SPIN1: variants seen among roughly 807,000 people sequenced by gnomAD.
The protein encoded by SPIN1 is spindlin-1.
Under a neutral mutation model 26.0 loss-of-function variants are expected in SPIN1, and 3 were observed. The observed-to-expected ratio is 0.12, with a 90% CI of 0.05 to 0.30. The LOEUF is 0.30. Ranked by LOEUF, SPIN1 falls within the 10% of genes least tolerant of loss-of-function variation. The pLI, the probability that SPIN1 is intolerant of heterozygous loss-of-function variation, is 1.00. For missense variants in SPIN1, 126 were observed against 333.4 expected (o/e 0.38, Z 4.84); for synonymous variants, 101 against 116.5 (o/e 0.87, Z 0.86).
chr9:88,403,091 A>G (rs1329746921), intron 1 of SPIN1, among the ~76,000 whole-genome samples: 3 of 151,974 alleles, frequency 2.0e-5, no homozygotes, highest in Non-Finnish European at 4.4e-5. Context: ...GGCCATTTGT[A>G]TGTTTTTTGA....
At chr9:88,422,471 C>G (rs763530024) in intron 1 of SPIN1, among the ~76,000 whole-genome samples, 13 of 152,126 alleles carry the variant, frequency 8.5e-5, no homozygotes, top group African/African-American at 2.7e-4. Flanking sequence ...TAGAAAAGCT[C>G]TAGTTCATCT....
chr9:88,450,943 A>G (rs1193450946), intron 3 of SPIN1, among the ~76,000 whole-genome samples: 2 of 152,072 alleles, frequency 1.3e-5, no homozygotes, highest in Non-Finnish European at 2.9e-5. Flanking sequence ...GCTGGTTTTG[A>G]AGTTAGGAAG....
chr9:88,423,467 C>T (rs183003435), intron 1 of SPIN1, among the ~76,000 whole-genome samples: 2 of 152,048 alleles, frequency 1.3e-5, no homozygotes, highest in East Asian at 1.9e-4. Context: ...TTGTGACAGT[C>T]TTGCTCTGTC....
chr9:88,448,476 T>C (rs1349367180), intron 2 of SPIN1, among the ~76,000 whole-genome samples: 1 of 152,116 alleles, frequency 6.6e-6, no homozygotes, highest in Non-Finnish European at 1.5e-5. Context: ...CTCAGCCTCC[T>C]GAGTGGCTGA....
intron 1 of SPIN1, among the ~76,000 whole-genome samples, chr9:88,391,032 G>T (rs115516115): frequency 9.9e-4 from 151 of 152,020 alleles, no homozygotes; most frequent in African/African-American, 3.6e-3. Context: ...TTATATTCTT[G>T]CCCCACAAGT....
chr9:88,464,857 C>G (rs2118200193), intron 4 of SPIN1, among the ~76,000 whole-genome samples: 1 of 152,238 alleles, frequency 6.6e-6, no homozygotes, highest in South Asian at 2.1e-4. Context: ...ATCTCCAGAA[C>G]TACTTCATCT....
chr9:88,446,410 T>TG (rs1564035844), intron 2 of SPIN1, among the ~76,000 whole-genome samples: 1 of 141,470 alleles, frequency 7.1e-6, no homozygotes, highest in African/African-American at 2.8e-5. Context: ...GGTTTGCTGT[T>TG]TTTTTTTTTT....
At chr9:88,445,518 T>TTA (rs1554695905) in intron 2 of SPIN1, among the ~76,000 whole-genome samples, 30 of 134,604 alleles carry the variant, frequency 2.2e-4, no homozygotes, top group Middle Eastern at 3.7e-3. Context: ...TATTGAGACT[T>TTA]TTATTATTAT....
intron 1 of SPIN1, among the ~76,000 whole-genome samples, chr9:88,397,979 T>C (rs1180858314): frequency 6.6e-6 from 1 of 151,700 alleles, no homozygotes; most frequent in African/African-American, 2.4e-5. Context: ...TGTAGTGCAG[T>C]GGCACAGTTT....
chr9:88,469,193 G>A (rs866133099), intron 5 of SPIN1, among the ~76,000 whole-genome samples: 3 of 152,288 alleles, frequency 2.0e-5, no homozygotes, highest in Middle Eastern at 3.4e-3. Flanking sequence ...CTTCACATGC[G>A]TAGTTCACAA....
At position 88,448,997 on chromosome 9, in the gene SPIN1, G is replaced by T; in HGVS notation, c.101+8G>T. On this transcript the variant is annotated splice_region_variant and intron_variant, in intron 3 of 5. Coordinates refer to ENST00000375859, the MANE Select transcript of SPIN1 (RefSeq NM_006717.3). ...GAAGAGGACATCCCACAAGTAAGCA[G>T]TTCTGAAACTGGTTCTAGATAGTGT... 6.2e-7 allele frequency: 1 copy of T among 1,612,466 alleles called. No individual in the cohort carries two copies. Among genetic ancestry groups the T allele is most frequent in the African/African-American group, 1.3e-5 (1 of 74,482 alleles).
intron 3 of SPIN1, among the ~76,000 whole-genome samples, chr9:88,451,706 G>A (rs143238674): frequency 1.9e-4 from 29 of 152,244 alleles, no homozygotes; most frequent in Non-Finnish European, 2.9e-4. Flanking sequence ...GACCACAGGC[G>A]TGCCGCAGCA....
At chr9:88,401,423 C>T (rs1827184801) in intron 1 of SPIN1, among the ~76,000 whole-genome samples, 1 of 152,140 alleles carries the variant, frequency 6.6e-6, no homozygotes, top group Non-Finnish European at 1.5e-5. Flanking sequence ...CCACACTCCG[C>T]CTGCCTCCCC....
chr9:88,395,168 C>CT (rs1170656034), intron 1 of SPIN1, among the ~76,000 whole-genome samples: 1 of 152,014 alleles, frequency 6.6e-6, no homozygotes, highest in African/African-American at 2.4e-5. Context: ...GTTAAAAAAT[C>CT]TGATCTGTGT....
intron 1 of SPIN1, among the ~76,000 whole-genome samples, chr9:88,390,623 T>G (rs2119021017): frequency 6.6e-6 from 1 of 152,372 alleles, no homozygotes. Context: ...TAATTCAATG[T>G]GTCTTCTTTC....
rs190432904 is a variant in SPIN1 at position 88,430,163 on chromosome 9, G to A, written c.52+3572G>A. 2.6e-5 allele frequency among the ~76,000 whole-genome samples: 4 copies of A among 152,306 alleles called. No homozygotes were observed. In the East Asian group the frequency reaches 7.7e-4, roughly 29 times the overall value. On this transcript the variant is annotated intron_variant, in intron 2 of 5. Transcript: ENST00000375859. ...AGGGTTTTGTCTCAGGCAGCAAGAAGCCCAGGTAGGCATTTCAGAGTTGGT... is the reference window on the plus strand; with the variant it reads ...AGGGTTTTGTCTCAGGCAGCAAGAAACCCAGGTAGGCATTTCAGAGTTGGT...
chr9:88,430,191 G>A (rs1193778849), intron 2 of SPIN1, among the ~76,000 whole-genome samples: 1 of 152,172 alleles, frequency 6.6e-6, no homozygotes, highest in Non-Finnish European at 1.5e-5. Context: ...GAGTTGGTTA[G>A]GTAGTTCAGC....
At chr9:88,397,883 C>G (rs144241012) in intron 1 of SPIN1, among the ~76,000 whole-genome samples, 4,056 of 151,904 alleles carry the variant, frequency 0.027, 145 homozygotes, top group African/African-American at 0.088. Context: ...CTCTGCCTCC[C>G]AAAGTGCTGA....
At chr9:88,393,799 C>T (rs946858181) in intron 1 of SPIN1, among the ~76,000 whole-genome samples, 1 of 151,646 alleles carries the variant, frequency 6.6e-6, no homozygotes, top group Admixed American at 6.6e-5. Context: ...TTTTCTTTCT[C>T]TCTTTAGCAT....
Sources: allele counts gnomAD v4.1 joint callset (sites outside exome capture counted in the v4.1 genomes callset), GRCh38; gene constraint gnomAD v4.1.1; transcripts MANE v1.5; gene names NCBI Gene and HGNC (gene_info 2026-07-23, HGNC 2026-07-21).